MCF2: variants seen among roughly 807,000 people sequenced by gnomAD.
MCF2 encodes the protein MCF.2 cell line derived transforming sequence, also known as proto-oncogene DBL.
Under a neutral mutation model 82.5 loss-of-function variants are expected in MCF2, and 44 were observed. The observed-to-expected ratio is 0.53, with a 90% confidence interval of 0.42 to 0.69. The LOEUF (loss-of-function observed/expected upper bound fraction) is 0.69, where lower values mean the gene tolerates loss of function less well. Among genes scored for constraint, MCF2 ranks in the 30% least tolerant of loss-of-function variants. The probability of loss-of-function intolerance (pLI) is 0.00; values close to 1 mark genes in which losing one functional copy is unlikely to be tolerated. For synonymous variants in MCF2, 217 were observed against 224.9 expected (o/e 0.96, Z 0.32); for missense variants, 623 against 663.1 (o/e 0.94, Z 0.66).
At chrX:139,666,349 G>A in intron 1 of MCF2, among the ~76,000 whole-genome samples, 1 of 109,973 alleles carries the variant, frequency 9.1e-6, no homozygotes, top group Non-Finnish European at 1.9e-5. Flanking sequence ...GTAAATGTGT[G>A]TCCAGGTTTA....
At chrX:139,598,412 C>T in exon 17 of MCF2, 1 of 1,139,033 alleles carries the variant, frequency 8.8e-7, no homozygotes, top group Admixed American at 2.3e-5. Flanking sequence ...TTACCTTCAA[C>T]AATAACTGAT....
At chrX:139,648,295 C>T (rs1431628023) in intron 2 of MCF2, among the ~76,000 whole-genome samples, 2 of 110,647 alleles carry the variant, frequency 1.8e-5, no homozygotes, top group Non-Finnish European at 3.8e-5. Context: ...TCGCTTGAAC[C>T]TGGGAGGCAA....
exon 16 of MCF2, chrX:139,602,430 C>A (rs911042155): frequency 6.7e-6 from 8 of 1,201,112 alleles, no homozygotes; most frequent in Admixed American, 2.2e-5. Flanking sequence ...ATTCTGAATA[C>A]TTCCTCCAAA....
intron 1 of MCF2, chrX:139,691,937 G>C: frequency 3.4e-6 from 4 of 1,166,687 alleles, no homozygotes; most frequent in Non-Finnish European, 4.6e-6. Context: ...CTGCTTGCAG[G>C]AGGCAGAGGT....
In MCF2 at chrX:139,678,933, G is replaced by A. The variant is rs550609659; in HGVS notation, c.-44-27145C>T. The stretch of plus-strand genomic sequence containing the variant: ...TTTTCACAAAACATCCATTTTGAAG[G>A]ACCACCTTAAAATTATTTTAGTCAT... On this transcript the variant is annotated intron_variant, in intron 1 of 27. Transcript: ENST00000414978. Among the ~76,000 whole-genome samples the A allele has an allele frequency of 8.0e-5, 9 of 112,324 alleles. No individual in the cohort carries two copies. In the South Asian group the frequency reaches 1.5e-3, roughly 18 times the overall value.
chrX:139,666,498 T>C lies in MCF2; in HGVS notation c.-44-14710A>G, dbSNP rs1015104887. 2.7e-5 allele frequency among the ~76,000 whole-genome samples: 3 copies of C among 111,663 alleles called. No homozygotes were observed. The Admixed American group carries it at 2.9e-4, about 11-fold the overall frequency. On this transcript the variant is annotated intron_variant, in intron 1 of 27. Coordinates refer to the MCF2 transcript ENST00000414978. ...TATTGGATATAGTATTCTTGGCTGG[T>C]ATTTTTTTTCTTTCAGCACTTTACA...
intron 18 of MCF2, among the ~76,000 whole-genome samples, chrX:139,597,108 C>T (rs190410926): frequency 2.4e-4 from 27 of 111,298 alleles, no homozygotes; most frequent in African/African-American, 7.8e-4. Context: ...TGTTAAAAGG[C>T]TACACAAGTG....
exon 12 of MCF2, chrX:139,607,704 C>A: frequency 8.4e-7 from 1 of 1,194,269 alleles, no homozygotes. Context: ...TTTAAAACAT[C>A]CAAGCTATTG....
intron 2 of MCF2, among the ~76,000 whole-genome samples, chrX:139,650,468 A>G (rs1004710805): frequency 1.0e-4 from 11 of 108,373 alleles, no homozygotes; most frequent in Non-Finnish European, 2.1e-4. Context: ...CATTTTTCAG[A>G]GAATTAATTA....
chrX:139,617,474 T>C lies in MCF2; in HGVS notation c.999+39A>G, dbSNP rs748509768. 2.8e-6 allele frequency: 3 copies of C among 1,073,507 alleles called. 1 individual carries two copies. In the East Asian group the frequency reaches 9.9e-5, roughly 36 times the overall value. The allele number at this position is 1,073,507 out of a possible 1,213,427, so 88.5% of individuals were successfully genotyped here. A position where few individuals can be genotyped will look rare whatever the true frequency, so the allele number is the denominator to read the frequency against. ...CTAGCAGGACCTGGAAAAAAATGTG[T>C]GTTCCTTTTCAGAAATGGATCATTT... is the stretch of plus-strand genomic sequence containing the variant. On this transcript the variant is annotated intron_variant, in intron 8 of 24. Transcript: ENST00000370576.
chrX:139,687,538 TA>T (rs756766102), intron 1 of MCF2, among the ~76,000 whole-genome samples: 6 of 112,341 alleles, frequency 5.3e-5, no homozygotes, highest in African/African-American at 9.7e-5. Context: ...GATGCTTGCT[TA>T]AGAAGATGCT....
At chrX:139,617,657 A>C (rs1932019028) in exon 8 of MCF2, 1 of 1,200,181 alleles carries the variant, frequency 8.3e-7, no homozygotes, top group Non-Finnish European at 1.1e-6. Context: ...GATTTGCTGC[A>C]AGCTTGTGTC....
chrX:139,691,802 G>T, intron 1 of MCF2: 1 of 569,483 alleles, frequency 1.8e-6, no homozygotes, highest in Non-Finnish European at 2.9e-6. Flanking sequence ...CGCGCGGGGA[G>T]GGGTGTGGAC....
At chrX:139,699,504 A>C (rs1569406572) in intron 1 of MCF2, among the ~76,000 whole-genome samples, 1 of 112,007 alleles carries the variant, frequency 8.9e-6, no homozygotes, top group Non-Finnish European at 1.9e-5. Context: ...GTCACTTCTT[A>C]AGGCCCCACA....
At chrX:139,703,715 A>G (rs1935541141) in intron 1 of MCF2, among the ~76,000 whole-genome samples, 1 of 111,722 alleles carries the variant, frequency 9.0e-6, no homozygotes, top group African/African-American at 3.3e-5. Context: ...AGCCTGAGTG[A>G]CAGAGCGAGA....
At chrX:139,636,172 A>G (rs1374682600) in intron 1 of MCF2, among the ~76,000 whole-genome samples, 2 of 111,503 alleles carry the variant, frequency 1.8e-5, no homozygotes, top group Non-Finnish European at 3.8e-5. Context: ...GCTTAAGGGA[A>G]GAATCTGACA....
At chrX:139,677,896 C>T (rs778015682) in intron 1 of MCF2, among the ~76,000 whole-genome samples, 62 of 112,243 alleles carry the variant, frequency 5.5e-4, no homozygotes, top group Non-Finnish European at 1.1e-3. Flanking sequence ...GGCACGATGG[C>T]TCACACCTGT....
intron 1 of MCF2, among the ~76,000 whole-genome samples, chrX:139,668,349 C>T (rs915743433): frequency 3.6e-5 from 4 of 111,774 alleles, no homozygotes; most frequent in Non-Finnish European, 7.5e-5. Context: ...CTTGATGTAG[C>T]CACTCAAGAC....
chrX:139,605,091 GT>G (rs1930878610), intron 13 of MCF2, 107 bp from the exon 18 acceptor site: 2 of 275,743 alleles, frequency 7.3e-6, no homozygotes, highest in East Asian at 1.3e-4. Flanking sequence ...TGATGGTGAA[GT>G]TTTTTGAATT....
Sources: gnomAD v4.1 joint callset for allele counts (sites outside exome capture counted in the v4.1 genomes callset) on GRCh38, gnomAD v4.1.1 for gene constraint, MANE v1.5 for transcripts, NCBI Gene and HGNC (gene_info 2026-07-23, HGNC 2026-07-21) for gene names.